The following NFKB1 variants were observed in gnomAD, a reference collection of about 807,000 sequenced individuals.
NFKB1 encodes nuclear factor kappa B subunit 1, also known as nuclear factor NF-kappa-B p105 subunit.
NFKB1 carries 9 observed loss-of-function variants against 105.1 expected under a neutral mutation model. That is an observed-to-expected ratio of 0.09 (90% CI 0.05 to 0.15). The LOEUF (loss-of-function observed/expected upper bound fraction) is 0.15, where lower values mean the gene tolerates loss of function less well. Ranked by LOEUF, NFKB1 falls within the 10% of genes least tolerant of loss-of-function variation. The pLI is 1.00. For synonymous variants in NFKB1, 440 were observed against 442.2 expected (o/e 1.00, Z 0.06); for missense variants, 830 against 1,203.7 (o/e 0.69, Z 4.59).
chr4:102,549,566 T>G (rs1358181143), intron 5 of NFKB1, among the ~76,000 whole-genome samples: 1 of 151,642 alleles, frequency 6.6e-6, no homozygotes, highest in Non-Finnish European at 1.5e-5. Context: ...TATATATATA[T>G]GGGGGGAGGG....
intron 6 of NFKB1, among the ~76,000 whole-genome samples, chr4:102,576,147 G>A (rs1426240005): frequency 1.3e-5 from 2 of 151,898 alleles, no homozygotes; most frequent in Non-Finnish European, 2.9e-5. Context: ...TGTAGCCTTC[G>A]TGAGATAAAA....
intron 16 of NFKB1, 42 bp from the exon 17 acceptor site, chr4:102,606,454 T>C: frequency 1.3e-6 from 2 of 1,585,418 alleles, no homozygotes; most frequent in Non-Finnish European, 1.7e-6. Context: ...TAAGTAAGTA[T>C]TCACTGCTGA....
In NFKB1 at chr4:102,601,425, A is replaced by G. The variant is rs1411703503; in HGVS notation, c.1752+416A>G. Among the ~76,000 whole-genome samples, 16 of 152,270 alleles carry G rather than the reference A, an allele frequency of 1.1e-4. 1 individual carries two copies. The highest frequency in any genetic ancestry group is 1.0e-3 in the Admixed American group (16 of 15,294). ...TTGACAACATCCAGATTAAATGTATATCAAATGAAGCATTCTGAAATCACC... is the reference window on the plus strand; with the variant it reads ...TTGACAACATCCAGATTAAATGTATGTCAAATGAAGCATTCTGAAATCACC... On this transcript the variant is annotated intron_variant, in intron 16 of 23. Transcript: ENST00000226574.
In NFKB1 at chr4:102,612,484, C is replaced by T. The variant is rs1461375896; in HGVS notation, c.2470C>T (p.Leu824=). ...TGTGAAGCTGCAGCTGTATAAGTTA[C>T]TAGAAATTCCTGATCCAGACAAAAA... is the stretch of plus-strand genomic sequence containing the variant. The part of the protein sequence containing the change: ...EDVKLQLYKL[L]EIPDPDKNWA... Residue 824 remains leucine (L), a synonymous_variant, in exon 22 of 24, where the codon CTA becomes TTA. Transcript: ENST00000226574. The T allele has an allele frequency of 5.0e-6, 8 of 1,613,764 alleles. No homozygotes were observed. The highest frequency in any genetic ancestry group is 2.7e-5 in the African/African-American group (2 of 74,924).
chr4:102,530,324 A>G (rs1741204192), intron 3 of NFKB1, among the ~76,000 whole-genome samples: 3 of 152,178 alleles, frequency 2.0e-5, no homozygotes, highest in Admixed American at 2.0e-4. Flanking sequence ...GTGTACAGAA[A>G]TCATAAAAAT....
Position 102,537,842 on chromosome 4 carries a change from A to C in NFKB1, c.160-16A>C. On this transcript the variant is annotated splice_polypyrimidine_tract_variant and intron_variant, in intron 4 of 23. Transcript: ENST00000226574. ...GTATTTCTCAAACTTAATTGGCTTA[A>C]CGTTCACCTTTGCAGAGAGGATTTC... 6.5e-7 allele frequency: 1 copy of C among 1,526,950 alleles called. No individual in the cohort carries two copies. The highest frequency in any genetic ancestry group is 9.1e-7 in the Non-Finnish European group (1 of 1,103,424). 94.6% of individuals were successfully genotyped at this position (1,526,950 alleles called of 1,614,324 possible).
At chr4:102,564,745 A>G (rs74723001) in intron 5 of NFKB1, among the ~76,000 whole-genome samples, 2 of 152,218 alleles carry the variant, frequency 1.3e-5, no homozygotes, top group African/African-American at 4.8e-5. Context: ...ATCTGACGTG[A>G]TTGGGCTTTA....
intron 5 of NFKB1, among the ~76,000 whole-genome samples, chr4:102,548,573 A>T (rs1025822782): frequency 6.6e-6 from 1 of 152,190 alleles, no homozygotes; most frequent in Non-Finnish European, 1.5e-5. Context: ...ATAACAAGTT[A>T]CCACAAACTA....
chr4:102,608,081 C>G (rs1392750893), intron 19 of NFKB1, among the ~76,000 whole-genome samples: 1 of 152,114 alleles, frequency 6.6e-6, no homozygotes, highest in African/African-American at 2.4e-5. Flanking sequence ...GTATTAGTCT[C>G]AGATCATATC....
chr4:102,602,491 A>G lies in NFKB1; in HGVS notation c.1752+1482A>G, dbSNP rs554974181. On this transcript the variant is annotated intron_variant, in intron 16 of 23. Transcript: ENST00000226574. ...GAGGCTGAGCTTGCAATGAGGCGAG[A>G]TCGCGCCACTGCACTCCAGCCTGGG... Among the ~76,000 whole-genome samples, 8 of 151,562 alleles carry G rather than the reference A, an allele frequency of 5.3e-5. No individual in the cohort carries two copies. In the East Asian group the frequency reaches 9.7e-4, roughly 18 times the overall value.
chr4:102,569,184 T>G (rs1724114579), intron 6 of NFKB1, among the ~76,000 whole-genome samples: 1 of 152,142 alleles, frequency 6.6e-6, no homozygotes, highest in Non-Finnish European at 1.5e-5. Context: ...TGTCAAAACT[T>G]ATTGCATTTA....
In NFKB1 at chr4:102,612,519, T is replaced by C. The variant is rs1728518355; in HGVS notation, c.2505T>C (p.Thr835=). ...EIPDPDKNWA[T]LAQKLGLGIL... ...CTGATCCAGACAAAAACTGGGCTAC[T>C]CTGGCGCAGAAATTAGGTCTGGGGA... The change falls in exon 22 of 24, where the codon ACT becomes ACC. Residue 835 remains threonine (T), a synonymous_variant. Transcript: ENST00000226574. The C allele has an allele frequency of 1.2e-6, 2 of 1,614,064 alleles. No individual in the cohort carries two copies. The highest frequency in any genetic ancestry group is 4.5e-5 in the East Asian group (2 of 44,892).
At chr4:102,528,283 C>G (rs1318043548) in intron 2 of NFKB1, among the ~76,000 whole-genome samples, 1 of 152,024 alleles carries the variant, frequency 6.6e-6, no homozygotes, top group Admixed American at 6.6e-5. Context: ...GAAATGAGGC[C>G]CATTTTTGCA....
intron 6 of NFKB1, among the ~76,000 whole-genome samples, chr4:102,567,780 C>A (rs1303385097): frequency 2.0e-5 from 3 of 151,992 alleles, no homozygotes; most frequent in Non-Finnish European, 2.9e-5. Context: ...TAATTTCAAT[C>A]CAAAAGAATT....
chr4:102,544,531 T>C lies in NFKB1; in HGVS notation c.258+6575T>C, dbSNP rs148521946. Among the ~76,000 whole-genome samples the C allele has an allele frequency of 2.0e-4, 30 of 152,278 alleles. No homozygotes were observed. The East Asian group carries it at 5.2e-3, about 26-fold the overall frequency. ...GAGAAGGCAATTCATTGAACAAATA[T>C]TGATTGAGCACTGTGTGTCAGGTAC... On this transcript the variant is annotated intron_variant, in intron 5 of 23. Transcript: ENST00000226574.
intron 11 of NFKB1, among the ~76,000 whole-genome samples, chr4:102,585,145 C>T (rs1301159618): frequency 6.6e-6 from 1 of 152,100 alleles, no homozygotes; most frequent in Non-Finnish European, 1.5e-5. Flanking sequence ...CGGCCTTGGC[C>T]TCCCAAAGTG....
chr4:102,581,088 G>A (rs772083813), intron 9 of NFKB1, among the ~76,000 whole-genome samples: 4 of 152,184 alleles, frequency 2.6e-5, no homozygotes, highest in Non-Finnish European at 5.9e-5. Context: ...TTCCACAGAT[G>A]TGATGTTTAA....
At chr4:102,512,965 T>G (rs780198647) in intron 1 of NFKB1, among the ~76,000 whole-genome samples, 2 of 152,244 alleles carry the variant, frequency 1.3e-5, no homozygotes, top group Non-Finnish European at 2.9e-5. Flanking sequence ...TTTCTCTGTA[T>G]TTGAACAAAA....
chr4:102,511,073 G>T (rs936107309), intron 1 of NFKB1: 3 of 538,942 alleles, frequency 5.6e-6, no homozygotes, highest in Non-Finnish European at 5.4e-6. Context: ...CGTATAGTGT[G>T]ATTTTTATTT....
Sources: gnomAD v4.1 joint callset for allele counts (sites outside exome capture counted in the v4.1 genomes callset) on GRCh38, gnomAD v4.1.1 for gene constraint, MANE v1.5 for transcripts, NCBI Gene and HGNC (gene_info 2026-07-23, HGNC 2026-07-21) for gene names.